Variants in FNBP1 observed in about 807,000 individuals in gnomAD.
FNBP1 encodes the protein formin binding protein 1, also known as formin-binding protein 1.
Under a neutral mutation model 90.6 loss-of-function variants are expected in FNBP1, and 26 were observed. That is an observed-to-expected ratio of 0.29 (90% CI 0.21 to 0.40). The LOEUF is 0.40. FNBP1 is among the 10% of genes least tolerant of loss of function. The probability of loss-of-function intolerance (pLI) is 1.00; values close to 1 mark genes in which losing one functional copy is unlikely to be tolerated. For synonymous variants in FNBP1, 260 were observed against 265.2 expected, an observed-to-expected ratio of 0.98 and a Z score of 0.19; for missense variants, 635 against 768.0, an observed-to-expected ratio of 0.83 and a Z score of 2.05.
Position 129,888,429 on chromosome 9 carries a change from C to A in FNBP1, c.*2110G>T. ...TGGGGACTGCCACACTCACCATGCA[C>A]CTGTTGGTTTGCAGGGACAGAGGTG... On this transcript the variant is annotated 3_prime_UTR_variant, in exon 17 of 17. Coordinates refer to ENST00000446176, the MANE Select transcript of FNBP1 (RefSeq NM_015033.3). The A allele has an allele frequency of 4.3e-6, 1 of 232,724 alleles. No individual in the cohort carries two copies. The highest frequency in any genetic ancestry group is 6.1e-5 in the East Asian group (1 of 16,518). The allele number at this position is 232,724 out of a possible 1,614,324, so 14.4% of individuals were successfully genotyped here. A position where few individuals can be genotyped will look rare whatever the true frequency, so the allele number is the denominator to read the frequency against.
the FNBP1 span, among the ~76,000 whole-genome samples, chr9:130,048,491 C>T: frequency 4.0e-4 from 42 of 105,078 alleles, no homozygotes; most frequent in African/African-American, 5.7e-4. Context: ...CCTCAGTTTC[C>T]TTTTTTTTTT....
At chr9:129,991,955 A>C (rs2053237332) in intron 2 of FNBP1, among the ~76,000 whole-genome samples, 1 of 152,180 alleles carries the variant, frequency 6.6e-6, no homozygotes, top group Non-Finnish European at 1.5e-5. Context: ...CACCGCGCCC[A>C]GCCAAGTTTT....
At chr9:129,985,924 G>A (rs1260832928) in intron 2 of FNBP1, among the ~76,000 whole-genome samples, 6 of 132,608 alleles carry the variant, frequency 4.5e-5, no homozygotes. Flanking sequence ...TCATGCCATT[G>A]CACTCCAGCC....
chr9:130,024,108 T>C (rs1024820831), intron 1 of FNBP1, among the ~76,000 whole-genome samples: 1 of 151,896 alleles, frequency 6.6e-6, no homozygotes, highest in Non-Finnish European at 1.5e-5. Context: ...AAATATTATC[T>C]AAATAAACAG....
intron 1 of FNBP1, among the ~76,000 whole-genome samples, chr9:130,007,921 C>T (rs2056006595): frequency 6.8e-6 from 1 of 147,468 alleles, no homozygotes; most frequent in East Asian, 2.0e-4. Flanking sequence ...GAACTTGAAC[C>T]TGGGAGGTGG....
intron 1 of FNBP1, among the ~76,000 whole-genome samples, chr9:130,034,286 C>T (rs952534372): frequency 2.3e-4 from 35 of 149,688 alleles, no homozygotes; most frequent in African/African-American, 8.1e-4. Flanking sequence ...GCACTCCAGC[C>T]TGGGCGACAG....
chr9:130,000,608 T>C (rs1218445025), intron 1 of FNBP1, among the ~76,000 whole-genome samples: 1 of 152,242 alleles, frequency 6.6e-6, no homozygotes, highest in East Asian at 1.9e-4. Flanking sequence ...CACATTTGTT[T>C]ATATCAGTAC....
At chr9:129,935,072 T>C (rs2043227023) in intron 6 of FNBP1, among the ~76,000 whole-genome samples, 1 of 152,064 alleles carries the variant, frequency 6.6e-6, no homozygotes, top group Middle Eastern at 3.2e-3. Context: ...GTTAGCTAAA[T>C]TTAGATTATT....
intron 4 of FNBP1, among the ~76,000 whole-genome samples, chr9:129,959,956 CT>C (rs2047537207): frequency 6.6e-6 from 1 of 152,266 alleles, no homozygotes; most frequent in Middle Eastern, 3.4e-3. Context: ...CTCATATCCA[CT>C]TCGCATGATT....
intron 1 of FNBP1, among the ~76,000 whole-genome samples, chr9:130,023,678 C>G (rs962878559): frequency 6.6e-6 from 1 of 151,744 alleles, no homozygotes; most frequent in African/African-American, 2.4e-5. Flanking sequence ...CCCACTCACT[C>G]CATGTTAGGT....
rs149077966 is a variant in FNBP1, at chr9:129,923,713, T to G, written c.1170+131A>C. The G allele has an allele frequency of 4.7e-3, 4,817 of 1,017,012 alleles. 16 individuals are homozygous for G. The highest frequency in any genetic ancestry group is 5.2e-3 in the Non-Finnish European group (4,006 of 768,172). 63.0% of individuals were successfully genotyped at this position (1,017,012 alleles called of 1,614,324 possible). A position where few individuals can be genotyped will look rare whatever the true frequency, so the allele number is the denominator to read the frequency against. On this transcript the variant is annotated intron_variant, in intron 10 of 16. Transcript: ENST00000446176. ...TCTTTCTAGCTATAATGGTTTTTGT[T>G]TTTTTTTTTTTAACTTTTTTATATG...
chr9:130,024,984 A>G (rs946582279), intron 1 of FNBP1, among the ~76,000 whole-genome samples: 2 of 152,144 alleles, frequency 1.3e-5, no homozygotes, highest in African/African-American at 4.8e-5. Context: ...GTTTGAGACC[A>G]GCCTGGCCAA....
intron 6 of FNBP1, among the ~76,000 whole-genome samples, chr9:129,936,889 G>T (rs968817897): frequency 2.0e-5 from 3 of 152,160 alleles, no homozygotes; most frequent in Non-Finnish European, 4.4e-5. Context: ...AAAACTAATG[G>T]CCAGGTGCGG....
chr9:130,016,565 G>GA (rs1275015168), intron 1 of FNBP1, among the ~76,000 whole-genome samples: 1 of 152,102 alleles, frequency 6.6e-6, no homozygotes, highest in African/African-American at 2.4e-5. Flanking sequence ...CCAACATGGA[G>GA]AAACCCTGTC....
intron 15 of FNBP1, among the ~76,000 whole-genome samples, chr9:129,899,366 C>T (rs1469714803): frequency 2.6e-5 from 4 of 151,990 alleles, no homozygotes; most frequent in African/African-American, 9.7e-5. Flanking sequence ...GTGTGAGCCA[C>T]CATGCCCGGC....
At chr9:129,941,380 C>A (rs140534253) in intron 6 of FNBP1, among the ~76,000 whole-genome samples, 7 of 152,028 alleles carry the variant, frequency 4.6e-5, no homozygotes, top group Non-Finnish European at 8.8e-5. Flanking sequence ...CAGAGCGAGA[C>A]GCCATCTTAA....
intron 2 of FNBP1, 69 bp from the exon 3 acceptor site, chr9:129,979,443 AC>A (rs2050837094): frequency 9.2e-7 from 1 of 1,087,292 alleles, no homozygotes; most frequent in African/African-American, 1.6e-5. Context: ...ATGAAAGATA[AC>A]ATTAGTGCTT....
At chr9:129,910,489 CA>C (rs547041722) in intron 11 of FNBP1, among the ~76,000 whole-genome samples, 1,547 of 122,308 alleles carry the variant, frequency 0.013, 14 homozygotes, top group Non-Finnish European at 0.016. Flanking sequence ...CTCAAAAAAA[CA>C]AAAAAAAAAA....
rs375770700 is a variant in FNBP1, at chr9:129,923,857, C to G, written c.1157G>C (p.Ser386Thr). 4 of 1,596,636 alleles carry G rather than the reference C, an allele frequency of 2.5e-6. No homozygotes were observed. In the African/African-American group the frequency reaches 5.4e-5, roughly 21 times the overall value. The change falls in exon 10 of 17, where the codon AGC becomes ACC. Residue 386 changes from serine (S) to threonine (T), a missense_variant. Ser to Thr is a moderately conservative substitution (Grantham distance 58, BLOSUM62 1). Coordinates refer to ENST00000446176, the MANE Select transcript of FNBP1 (RefSeq NM_015033.3). Reference sequence around the variant, plus strand: ...AGCAGAACTTACCCCACGCTTTAGGCTCCTGAAGCAGTGGATTTTGGGTTT... The same window carrying G: ...AGCAGAACTTACCCCACGCTTTAGGGTCCTGAAGCAGTGGATTTTGGGTTT... ...TSKPKIHCFR[S>T]LKRGLSLKLG...
Sources: gnomAD v4.1 joint callset for allele counts (sites outside exome capture counted in the v4.1 genomes callset) on GRCh38, gnomAD v4.1.1 for gene constraint, MANE v1.5 for transcripts, NCBI Gene and HGNC (gene_info 2026-07-23, HGNC 2026-07-21) for gene names.